The following NPM1 variants were observed in gnomAD, a reference collection of about 807,000 sequenced individuals.
NPM1 encodes the protein nucleophosmin 1.
In NPM1, 1 loss-of-function variant was observed where a neutral mutation model predicts 44.1. The ratio of observed to expected loss-of-function variants is 0.02; its 90% CI spans 0.01 to 0.11. The LOEUF (loss-of-function observed/expected upper bound fraction) is 0.11, where lower values mean the gene tolerates loss of function less well. Ranked by LOEUF, NPM1 falls within the 10% of genes least tolerant of loss-of-function variation. The pLI is 1.00. For missense variants in NPM1, 197 were observed against 347.8 expected (o/e 0.57, Z 3.45); for synonymous variants, 126 against 111.8 (o/e 1.13, Z -0.80).
At chr5:171,391,253 G>A (rs1770562822) in intron 2 of NPM1, 52 bp from the exon 3 acceptor site, 2 of 1,593,858 alleles carry the variant, frequency 1.3e-6, no homozygotes, top group East Asian at 2.2e-5. Flanking sequence ...GTGGGGGGGT[G>A]TAAAATAGGT....
intron 4 of NPM1, 124 bp downstream of exon 4, chr5:171,391,923 C>T: frequency 2.2e-6 from 1 of 462,126 alleles, no homozygotes; most frequent in Non-Finnish European, 3.8e-6. Flanking sequence ...CAATGTGAGT[C>T]TAGAAATTGG....
intron 8 of NPM1, among the ~76,000 whole-genome samples, chr5:171,403,629 C>A (rs1243075411): frequency 2.0e-5 from 2 of 102,322 alleles, no homozygotes; most frequent in Non-Finnish European, 2.2e-5. Flanking sequence ...GCTGGCCGGG[C>A]AGGGGGGCTG....
chr5:171,387,600 C>T (rs1770284101), upstream of NPM1: 1 of 289,834 alleles, frequency 3.5e-6, no homozygotes, highest in Non-Finnish European at 6.5e-6. Flanking sequence ...GACTGGAAAG[C>T]ACGCGTGCGC....
At chr5:171,391,906 T>G in intron 4 of NPM1, 107 bp downstream of exon 4, 1 of 574,806 alleles carries the variant, frequency 1.7e-6, no homozygotes, top group Non-Finnish European at 3.0e-6. Flanking sequence ...GTCTTTTTAA[T>G]AGGTTCCAAT....
chr5:171,406,585 C>A, intron 9 of NPM1: 1 of 1,411,146 alleles, frequency 7.1e-7, no homozygotes, highest in Admixed American at 2.8e-5. Flanking sequence ...TCTCTTGGTT[C>A]CCTAAAGCAC....
At chr5:171,402,053 C>CTTTTTTTT (rs34648553) in intron 8 of NPM1, among the ~76,000 whole-genome samples, 9 of 133,622 alleles carry the variant, frequency 6.7e-5, no homozygotes, top group African/African-American at 2.2e-4. Flanking sequence ...TTCTGATTTC[C>CTTTTTTTT]TTTTTTTTTT....
At chr5:171,400,125 G>A in intron 6 of NPM1, 28 bp from the exon 7 acceptor site, 1 of 1,361,706 alleles carries the variant, frequency 7.3e-7, no homozygotes, top group Non-Finnish European at 1.1e-6. Context: ...TTTTGAAAGT[G>A]CTTAATGTCT....
At chr5:171,400,542 T>TGCCTCCCGGGTTGAAGCGATTCTCCTGCC (rs1322326607) in intron 7 of NPM1, among the ~76,000 whole-genome samples, 1 of 151,282 alleles carries the variant, frequency 6.6e-6, no homozygotes, top group African/African-American at 2.4e-5. Context: ...CTGCAACTTC[T>TGCCTCCCGGGTTGAAGCGATTCTCCTGCC]GCCTCCCGGG....
At chr5:171,407,607 T>TGTA in intron 9 of NPM1, 93 bp from the exon 10 acceptor site, 1 of 766,190 alleles carries the variant, frequency 1.3e-6, no homozygotes, top group South Asian at 1.5e-5. Flanking sequence ...AACTGATCCA[T>TGTA]GTAGTAGCAT....
intron 9 of NPM1, chr5:171,406,471 A>G (rs1033519948): frequency 8.1e-6 from 13 of 1,608,318 alleles, no homozygotes; most frequent in Admixed American, 6.7e-5. Context: ...AGAGACAAAT[A>G]TAGTCCATAC....
intron 8 of NPM1, 39 bp from the exon 9 acceptor site, chr5:171,405,259 GTATT>G (rs1329887096): frequency 5.3e-6 from 5 of 938,368 alleles, no homozygotes; most frequent in Non-Finnish European, 8.3e-6. Context: ...ATTAGGAATT[GTATT>G]TATTCTTATG....
At chr5:171,404,767 T>G (rs1312405049) in intron 8 of NPM1, among the ~76,000 whole-genome samples, 1 of 149,246 alleles carries the variant, frequency 6.7e-6, no homozygotes, top group Non-Finnish European at 1.5e-5. Context: ...CTCGGCACTT[T>G]GGGAGGCCAA....
At chr5:171,400,500 G>A (rs562124959) in intron 7 of NPM1, among the ~76,000 whole-genome samples, 9 of 147,508 alleles carry the variant, frequency 6.1e-5, no homozygotes, top group East Asian at 2.0e-4. Flanking sequence ...AATGTCACCC[G>A]GGCTGGAGTA....
Position 171,405,334 on chromosome 5 carries a change from T to A in NPM1, c.702T>A (p.Thr234=), listed in dbSNP as rs1308029084. ...GQESFKKQEK[T]PKTPKGPSSV... ...AATCCTTCAAGAAACAGGAAAAAAC[T>A]CCTAAAACACCAAAAGGACCTAGTT... Residue 234 remains threonine, a synonymous_variant, in exon 9 of 11, where the codon ACT becomes ACA. Transcript: ENST00000296930. 6.3e-7 allele frequency: 1 copy of A among 1,592,794 alleles called. No homozygotes were observed. The highest frequency in any genetic ancestry group is 8.6e-7 in the Non-Finnish European group (1 of 1,164,870).
At chr5:171,400,277 TG>T in intron 7 of NPM1, 67 bp downstream of exon 7, 1 of 1,409,476 alleles carries the variant, frequency 7.1e-7, no homozygotes, top group Non-Finnish European at 9.7e-7. Context: ...TAGTGCTATT[TG>T]CTTGTTTTGT....
chr5:171,392,650 C>CTT, intron 4 of NPM1, 60 bp from the exon 5 acceptor site: 3 of 918,262 alleles, frequency 3.3e-6, no homozygotes, highest in South Asian at 1.7e-5. Context: ...TATCAGTGTT[C>CTT]TTTTTTTTTC....
intron 1 of NPM1, among the ~76,000 whole-genome samples, chr5:171,388,523 C>T (rs1270293353): frequency 7.6e-6 from 1 of 130,800 alleles, no homozygotes; most frequent in East Asian, 2.6e-4. Flanking sequence ...CGGCCAGTTA[C>T]TGGGGGTGGG....
At chr5:171,408,460 CA>C (rs931080627) in intron 10 of NPM1, among the ~76,000 whole-genome samples, 3 of 151,980 alleles carry the variant, frequency 2.0e-5, no homozygotes, top group African/African-American at 7.2e-5. Context: ...CAGCTTTTTT[CA>C]AAAAATTAGG....
At chr5:171,388,584 CCACGTGGTTGG>C (rs1448832916) in intron 1 of NPM1, among the ~76,000 whole-genome samples, 40 of 149,218 alleles carry the variant, frequency 2.7e-4, no homozygotes, top group Non-Finnish European at 5.1e-4. Context: ...CACGTGGTTG[CCACGTGGTTGG>C]GGGAGGGAGG....
Sources: allele counts gnomAD v4.1 joint callset (sites outside exome capture counted in the v4.1 genomes callset), GRCh38; gene constraint gnomAD v4.1.1; transcripts MANE v1.5; gene names NCBI Gene and HGNC (gene_info 2026-07-23, HGNC 2026-07-21).